The following TENM4 variants were observed in gnomAD, a reference collection of about 807,000 sequenced individuals.
TENM4 encodes the protein teneurin transmembrane protein 4.
In TENM4, 82 loss-of-function variants were observed where a neutral mutation model predicts 243.3. That is an observed-to-expected ratio of 0.34 (90% CI 0.28 to 0.40). The LOEUF is 0.40. Among genes scored for constraint, TENM4 ranks in the 10% least tolerant of loss-of-function variants. TENM4 has a pLI of 1.00. For synonymous variants in TENM4, 1,412 were observed against 1,456.3 expected, an observed-to-expected ratio of 0.97 and a Z score of 0.69; for missense variants, 3,138 against 3,673.3, an observed-to-expected ratio of 0.85 and a Z score of 3.77.
Position 78,669,708 on chromosome 11 carries a change from A to G in TENM4, c.6637T>C (p.Trp2213Arg). 1 of 1,614,016 alleles carries G rather than the reference A, an allele frequency of 6.2e-7. No homozygotes were observed. The highest frequency in any genetic ancestry group is 8.5e-7 in the Non-Finnish European group (1 of 1,179,898). Residue 2213 changes from tryptophan to arginine, a missense_variant, in exon 32 of 34, where the codon TGG becomes CGG. This residue lies in a region of TENM4 where 2,467 missense variants were observed against 3,059.1 expected (regional missense o/e 0.81). Coordinates refer to ENST00000278550, the MANE Select transcript of TENM4 (RefSeq NM_001098816.3). The surrounding 1 kb of genome is among the most constrained non-coding windows in gnomAD (Gnocchi z 6.4). ...QTVSINDKPL[W>R]RYSYDLNGNL... is the part of the protein sequence containing the mutation. ...CCATTGAGGTCGTAGCTGTAGCGCC[A>G]GAGTGGCTTGTCATTGATGGAGACT...
chr11:79,416,660 T>C (rs1565337702), intron 1 of TENM4, among the ~76,000 whole-genome samples: 1 of 152,140 alleles, frequency 6.6e-6, no homozygotes, highest in Non-Finnish European at 1.5e-5. Context: ...AACGAGATGG[T>C]ATTAAGATCC....
intron 2 of TENM4, among the ~76,000 whole-genome samples, chr11:79,291,832 T>C (rs1301679918): frequency 1.3e-5 from 2 of 152,212 alleles, no homozygotes; most frequent in African/African-American, 4.8e-5. Context: ...AGTATTCATA[T>C]GTAGTCTCCC....
At chr11:79,387,100 C>T (rs558014881) in intron 1 of TENM4, among the ~76,000 whole-genome samples, 14 of 152,238 alleles carry the variant, frequency 9.2e-5, no homozygotes, top group Non-Finnish European at 8.8e-5. Context: ...TATGGAGCAA[C>T]GTGGATAAAT....
At chr11:79,027,196 C>G (rs1207356368) in intron 6 of TENM4, among the ~76,000 whole-genome samples, 1 of 152,176 alleles carries the variant, frequency 6.6e-6, no homozygotes, top group African/African-American at 2.4e-5. Flanking sequence ...GAAAATGCTT[C>G]TAACAGTAGG....
intron 2 of TENM4, among the ~76,000 whole-genome samples, chr11:79,260,109 A>G (rs1239503576): frequency 1.3e-5 from 2 of 152,246 alleles, no homozygotes; most frequent in Non-Finnish European, 2.9e-5. Context: ...ATAGTTGTAC[A>G]TCTGTTTCTC....
intron 3 of TENM4, among the ~76,000 whole-genome samples, chr11:79,170,638 A>T (rs1020448070): frequency 6.6e-6 from 1 of 152,168 alleles, no homozygotes; most frequent in Non-Finnish European, 1.5e-5. Context: ...CTATATACGA[A>T]GGAATGCCCA....
chr11:78,744,803 T>C (rs2135922587), intron 19 of TENM4, among the ~76,000 whole-genome samples: 1 of 152,368 alleles, frequency 6.6e-6, no homozygotes, highest in African/African-American at 2.4e-5. Context: ...TGATGAGTAT[T>C]CATATTTCAA....
chr11:79,293,543 T>A (rs184367705), intron 2 of TENM4, among the ~76,000 whole-genome samples: 5,249 of 145,246 alleles, frequency 0.036, 123 homozygotes, highest in Non-Finnish European at 0.056. Context: ...GAAAAAAAAG[T>A]GTTAGGGAAA....
At chr11:78,951,642 C>T (rs1209104575) in intron 6 of TENM4, among the ~76,000 whole-genome samples, 1 of 152,176 alleles carries the variant, frequency 6.6e-6, no homozygotes, top group African/African-American at 2.4e-5. Flanking sequence ...CACTTTCTTG[C>T]TGTGTCTCAC....
At chr11:79,395,874 G>A (rs982454857) in intron 1 of TENM4, among the ~76,000 whole-genome samples, 1 of 152,194 alleles carries the variant, frequency 6.6e-6, no homozygotes, top group Admixed American at 6.5e-5. Context: ...AGATAAGTAA[G>A]ACATATTTGT....
chr11:78,766,144 C>A (rs1402766823), intron 18 of TENM4, among the ~76,000 whole-genome samples: 1 of 152,186 alleles, frequency 6.6e-6, no homozygotes, highest in Non-Finnish European at 1.5e-5. Flanking sequence ...GTACATCACT[C>A]AAGGTCACAC....
chr11:78,814,437 T>C, intron 12 of TENM4, 42 bp from the exon 13 acceptor site: 1 of 1,522,414 alleles, frequency 6.6e-7, no homozygotes, highest in South Asian at 1.2e-5. Flanking sequence ...ACAAATTTCC[T>C]TACCCAAACA....
At chr11:78,765,237 T>A (rs1361777626) in intron 18 of TENM4, among the ~76,000 whole-genome samples, 1 of 152,238 alleles carries the variant, frequency 6.6e-6, no homozygotes. Flanking sequence ...TTTGCTATAA[T>A]AAATTCTGTG....
At chr11:78,783,519 G>A (rs1591020674) in intron 16 of TENM4, among the ~76,000 whole-genome samples, 1 of 152,122 alleles carries the variant, frequency 6.6e-6, no homozygotes. Context: ...ATGAACTTCT[G>A]TCACCCTTGG....
At chr11:78,783,238 G>A (rs1271219179) in intron 16 of TENM4, among the ~76,000 whole-genome samples, 1 of 152,146 alleles carries the variant, frequency 6.6e-6, no homozygotes, top group African/African-American at 2.4e-5. Context: ...CAGACTTCAT[G>A]GATCCATAAA....
chr11:79,266,425 C>T (rs1261545560), intron 2 of TENM4, among the ~76,000 whole-genome samples: 3 of 152,092 alleles, frequency 2.0e-5, no homozygotes, highest in Admixed American at 6.5e-5. Context: ...ATCCTAATGC[C>T]CAGATGTTCA....
chr11:79,047,958 C>T (rs745713962), intron 6 of TENM4, among the ~76,000 whole-genome samples: 1 of 151,774 alleles, frequency 6.6e-6, no homozygotes, highest in African/African-American at 2.4e-5. Context: ...TATAATAACA[C>T]CTATTAAGTT....
At chr11:79,185,640 T>G (rs1238805897) in intron 3 of TENM4, among the ~76,000 whole-genome samples, 1 of 152,192 alleles carries the variant, frequency 6.6e-6, no homozygotes, top group Non-Finnish European at 1.5e-5. Flanking sequence ...AACTTTCACA[T>G]TGCTTGGACC....
intron 1 of TENM4, among the ~76,000 whole-genome samples, chr11:79,436,101 G>C (rs1261760500): frequency 3.3e-5 from 5 of 152,168 alleles, no homozygotes; most frequent in Non-Finnish European, 7.3e-5. Context: ...CTTCCTGGAA[G>C]GGGATAAGGA....
Sources: gnomAD v4.1 joint callset for allele counts (sites outside exome capture counted in the v4.1 genomes callset) on GRCh38, gnomAD v4.1.1 for gene constraint, gnomAD v4.1.1 regional missense constraint, Gnocchi (gnomAD v3.1) non-coding constraint, MANE v1.5 for transcripts, NCBI Gene and HGNC (gene_info 2026-07-23, HGNC 2026-07-21) for gene names.